The following PPP2R2B variants were observed in gnomAD, a reference collection of about 807,000 sequenced individuals.
The protein encoded by PPP2R2B is serine/threonine-protein phosphatase 2A 55 kDa regulatory subunit B beta isoform.
PPP2R2B carries 5 observed loss-of-function variants against 46.0 expected under a neutral mutation model. The ratio of observed to expected loss-of-function variants is 0.11; its 90% CI spans 0.06 to 0.23. The LOEUF is 0.23. PPP2R2B is among the 10% of genes least tolerant of loss of function. The pLI is 1.00. For synonymous variants in PPP2R2B, 215 were observed against 206.7 expected (o/e 1.04, Z -0.34); for missense variants, 367 against 575.0 (o/e 0.64, Z 3.70).
rs113861141 is a variant in PPP2R2B, at chr5:146,750,845, C to T, written c.71-49703G>A. 6.6e-3 allele frequency among the ~76,000 whole-genome samples: 1,012 copies of T among 152,212 alleles called. 18 individuals are homozygous for T. The highest frequency in any genetic ancestry group is 0.023 in the African/African-American group (964 of 41,534). On this transcript the variant is annotated intron_variant, in intron 2 of 9. Coordinates refer to ENST00000394411, the MANE Select transcript of PPP2R2B (RefSeq NM_181675.4). ...TAAAATAAAACAGTTCAAATACACA[C>T]GTTGGTACGCTGGATCCAGCAGCCT... is the stretch of plus-strand genomic sequence containing the variant.
rs1486897456 is a variant in PPP2R2B, at chr5:146,588,714, CT to C, written c.*1232del. On this transcript the variant is annotated 3_prime_UTR_variant, in exon 10 of 10. Coordinates refer to ENST00000394411, the MANE Select transcript of PPP2R2B (RefSeq NM_181675.4). ...GAAAAGGATGAACCATCTTCCACAG[CT>C]TCAAGTGGACTTCATTCACTTCATG... The C allele has an allele frequency of 4.6e-5, 7 of 151,098 alleles. No homozygotes were observed. The highest frequency in any genetic ancestry group is 1.7e-4 in the African/African-American group (7 of 40,374). 9.4% of individuals were successfully genotyped at this position (151,098 alleles called of 1,614,324 possible). A position where few individuals can be genotyped will look rare whatever the true frequency, so the allele number is the denominator to read the frequency against.
At position 146,813,715 on chromosome 5, in the gene PPP2R2B, C is replaced by T. The variant is rs538200904; in HGVS notation, c.70+64287G>A. Among the ~76,000 whole-genome samples, 100 of 152,310 alleles carry T rather than the reference C, an allele frequency of 6.6e-4. 1 individual carries two copies. Among genetic ancestry groups the T allele is most frequent in the African/African-American group, 2.4e-3 (100 of 41,562 alleles). On this transcript the variant is annotated intron_variant, in intron 2 of 9. Coordinates refer to ENST00000394411, the MANE Select transcript of PPP2R2B (RefSeq NM_181675.4). ...GCTGCTATTTCAGTTATTAGAACACCTGCTGTCTGAACGAGTTTGCCTCCC... is the reference window on the plus strand; with the variant it reads ...GCTGCTATTTCAGTTATTAGAACACTTGCTGTCTGAACGAGTTTGCCTCCC...
chr5:146,775,861 T>C (rs1755149704), intron 2 of PPP2R2B, among the ~76,000 whole-genome samples: 2 of 152,112 alleles, frequency 1.3e-5, no homozygotes, highest in Non-Finnish European at 2.9e-5. Context: ...AGGAAGTTTA[T>C]AAAAACGCTG....
intron 2 of PPP2R2B, among the ~76,000 whole-genome samples, chr5:146,807,815 T>TTTTTTTTA (rs1757279563): frequency 7.9e-6 from 1 of 126,772 alleles, no homozygotes; most frequent in African/African-American, 3.4e-5. Flanking sequence ...TTTTTTTTTT[T>TTTTTTTTA]GAGAAGACAG....
rs1039444163 is a variant in PPP2R2B at position 146,680,555 on chromosome 5, A to T, written c.447+10573T>A. Among the ~76,000 whole-genome samples, 7 of 151,308 alleles carry T rather than the reference A, an allele frequency of 4.6e-5. No homozygotes were observed. The East Asian group carries it at 9.7e-4, about 21-fold the overall frequency. ...AAACTTAAAGTATAATAATAATAATAAAAAAAACCACAGCGTTGCACACAC... is the reference window on the plus strand; with the variant it reads ...AAACTTAAAGTATAATAATAATAATTAAAAAAACCACAGCGTTGCACACAC... On this transcript the variant is annotated intron_variant, in intron 5 of 9. Transcript: ENST00000394411.
chr5:146,925,589 C>A (rs1442372897), intron 1 of PPP2R2B, among the ~76,000 whole-genome samples: 2 of 152,154 alleles, frequency 1.3e-5, no homozygotes, highest in Non-Finnish European at 2.9e-5. Flanking sequence ...TGGCATACAA[C>A]AGTTTGACAA....
intron 2 of PPP2R2B, among the ~76,000 whole-genome samples, chr5:146,806,737 G>A (rs1266540727): frequency 1.3e-5 from 2 of 152,244 alleles, no homozygotes; most frequent in Non-Finnish European, 2.9e-5. Flanking sequence ...GTATGAATGA[G>A]TGGAGTAATC....
At chr5:146,765,928 T>G (rs1161312695) in intron 2 of PPP2R2B, among the ~76,000 whole-genome samples, 2 of 152,226 alleles carry the variant, frequency 1.3e-5, no homozygotes, top group Non-Finnish European at 2.9e-5. Context: ...ATAGTCACTT[T>G]GGGAAAGTGT....
At chr5:146,691,038 T>C (rs1434241415) in intron 5 of PPP2R2B, 90 bp downstream of exon 5, 4 of 1,101,504 alleles carry the variant, frequency 3.6e-6, no homozygotes, top group African/African-American at 3.1e-5. Context: ...TGGCCCATTA[T>C]AGTTGCAACC....
At chr5:147,007,033 G>C (rs940211120) in intron 1 of PPP2R2B, among the ~76,000 whole-genome samples, 1 of 152,032 alleles carries the variant, frequency 6.6e-6, no homozygotes, top group South Asian at 2.1e-4. Flanking sequence ...TAACCTCCTT[G>C]TCAAATTTGT....
chr5:146,903,167 G>A (rs34745136), intron 1 of PPP2R2B, among the ~76,000 whole-genome samples: 66 of 152,014 alleles, frequency 4.3e-4, no homozygotes, highest in Non-Finnish European at 7.1e-4. Flanking sequence ...TTTCATAAAA[G>A]CATGCCATTG....
intron 2 of PPP2R2B, among the ~76,000 whole-genome samples, chr5:146,839,135 C>G (rs1218010646): frequency 6.6e-6 from 1 of 152,148 alleles, no homozygotes; most frequent in African/African-American, 2.4e-5. Context: ...ATGTGCCTAC[C>G]TAGTCTATTC....
intron 6 of PPP2R2B, among the ~76,000 whole-genome samples, chr5:146,640,636 G>C (rs926693263): frequency 3.9e-5 from 6 of 152,166 alleles, no homozygotes; most frequent in African/African-American, 1.4e-4. Context: ...TCTGGTGTCA[G>C]CTTTCTCAAC....
At chr5:146,782,065 A>G (rs543930190) in intron 2 of PPP2R2B, among the ~76,000 whole-genome samples, 55 of 152,182 alleles carry the variant, frequency 3.6e-4, no homozygotes, top group African/African-American at 1.3e-3. Context: ...TCCCCCACCC[A>G]TGCTCCAGCG....
chr5:146,936,034 A>C (rs1764128375), intron 1 of PPP2R2B, among the ~76,000 whole-genome samples: 1 of 152,198 alleles, frequency 6.6e-6, no homozygotes, highest in African/African-American at 2.4e-5. Context: ...TATTCAGTAC[A>C]TGGGAGCTAC....
chr5:146,791,336 C>T (rs566646353), intron 2 of PPP2R2B, among the ~76,000 whole-genome samples: 1 of 152,212 alleles, frequency 6.6e-6, no homozygotes, highest in East Asian at 1.9e-4. Context: ...TCTTCAGTGT[C>T]GATCCCCCCT....
intron 5 of PPP2R2B, among the ~76,000 whole-genome samples, chr5:146,665,510 ATGT>A (rs1057355514): frequency 9.9e-5 from 15 of 152,218 alleles, no homozygotes; most frequent in East Asian, 3.8e-4. Context: ...GCTTAAGGAA[ATGT>A]TGTGGCTGGT....
intron 2 of PPP2R2B, among the ~76,000 whole-genome samples, chr5:146,871,708 G>T (rs1291900985): frequency 2.0e-5 from 3 of 152,156 alleles, no homozygotes; most frequent in Non-Finnish European, 2.9e-5. Context: ...AGCACAACTT[G>T]CATTTCTCCA....
At chr5:146,884,074 C>G (rs555867998) in intron 1 of PPP2R2B, among the ~76,000 whole-genome samples, 1 of 143,850 alleles carries the variant, frequency 7.0e-6, no homozygotes, top group East Asian at 2.0e-4. Context: ...AAAAAAAACA[C>G]TATGTAAATT....
Sources: gnomAD v4.1 joint callset for allele counts (sites outside exome capture counted in the v4.1 genomes callset) on GRCh38, gnomAD v4.1.1 for gene constraint, MANE v1.5 for transcripts, NCBI Gene and HGNC (gene_info 2026-07-23, HGNC 2026-07-21) for gene names.